The following GANAB variants were observed in gnomAD, a reference collection of about 807,000 sequenced individuals.
The protein encoded by GANAB is glucosidase II alpha subunit.
Under a neutral mutation model 129.9 loss-of-function variants are expected in GANAB, and 35 were observed. That is an observed-to-expected ratio of 0.27 (90% CI 0.21 to 0.36). The LOEUF is 0.36. Among genes scored for constraint, GANAB ranks in the 10% least tolerant of loss-of-function variants. The pLI is 1.00. For synonymous variants in GANAB, 482 were observed against 451.8 expected (o/e 1.07, Z -0.85); for missense variants, 939 against 1,221.0 (o/e 0.77, Z 3.44).
intron 11 of GANAB, 33 bp downstream of exon 11, chr11:62,630,568 C>G (rs1943623348): frequency 6.2e-7 from 1 of 1,612,066 alleles, no homozygotes. Flanking sequence ...CAGCCCTACC[C>G]TGAGAAGACC....
intron 17 of GANAB, among the ~76,000 whole-genome samples, chr11:62,627,719 A>G (rs1374019219): frequency 6.6e-6 from 1 of 151,968 alleles, no homozygotes; most frequent in East Asian, 1.9e-4. Context: ...GGGGGACGAG[A>G]GTGAGACTTT....
rs1319781688 is a variant in GANAB, at chr11:62,625,393, G to A, written c.*422C>T. The A allele has an allele frequency of 4.7e-6, 2 of 424,386 alleles. No individual in the cohort carries two copies. The highest frequency in any genetic ancestry group is 5.4e-5 in the Admixed American group (2 of 36,976). The allele number at this position is 424,386 out of a possible 1,614,324, so 26.3% of individuals were successfully genotyped here. On this transcript the variant is annotated 3_prime_UTR_variant, in exon 24 of 24. Transcript: ENST00000356638. ...GGAGAGCAATCTGGTGGGAGGGAAG[G>A]GGAAAAGGAGCCCTAACTCATTGCC... is the stretch of plus-strand genomic sequence containing the variant.
At chr11:62,632,978 T>C (rs777751827) in intron 8 of GANAB, 27 bp downstream of exon 8, 78 of 1,382,278 alleles carry the variant, frequency 5.6e-5, no homozygotes, top group Non-Finnish European at 7.6e-5. Flanking sequence ...CCCACCTCCA[T>C]CTTCCTGATG....
intron 17 of GANAB, among the ~76,000 whole-genome samples, chr11:62,628,312 G>C (rs528810576): frequency 6.1e-5 from 9 of 146,800 alleles, no homozygotes; most frequent in Non-Finnish European, 8.9e-5. Context: ...TACCTCCTGG[G>C]TTCAAGTGAT....
chr11:62,639,667 T>C lies in GANAB; in HGVS notation c.103A>G (p.Arg35Gly). 3.7e-6 allele frequency: 6 copies of C among 1,613,902 alleles called. No homozygotes were observed. Among genetic ancestry groups the C allele is most frequent in the Non-Finnish European group, 4.2e-6 (5 of 1,179,842 alleles). Residue 35 changes from arginine to glycine, a missense_variant, in exon 2 of 24, where the codon AGA becomes GGA. Physicochemically the swap from Arg to Gly is moderately radical, Grantham distance 125 (BLOSUM62 -2). Transcript: ENST00000356638. ...TCTTCACAGGTCTTAAAGTTGCTTC[T>C]ATCCACAGCAAGGGTAATCCCCAGG... is the stretch of plus-strand genomic sequence containing the variant. ...VCLGITLAVD[R>G]SNFKTCEESS...
intron 1 of GANAB, 141 bp from the exon 2 acceptor site, chr11:62,639,872 A>T (rs1324344617): frequency 1.3e-5 from 8 of 637,100 alleles, no homozygotes; most frequent in Non-Finnish European, 2.0e-5. Flanking sequence ...ATCAAATACA[A>T]AACAAGGCAG....
At chr11:62,630,131 C>A in intron 13 of GANAB, 66 bp downstream of exon 13, 1 of 1,400,256 alleles carries the variant, frequency 7.1e-7, no homozygotes, top group Non-Finnish European at 1.0e-6. Context: ...GGTTGGCAAG[C>A]CGAGAGAGAT....
intron 1 of GANAB, among the ~76,000 whole-genome samples, chr11:62,642,021 G>C (rs536211520): frequency 2.3e-4 from 35 of 151,794 alleles, no homozygotes; most frequent in Admixed American, 7.9e-4. Flanking sequence ...AGACCAGCCT[G>C]GCCAATATGG....
rs1943294042 is a variant in GANAB, at chr11:62,624,924, GA to G, written c.*890del. ...AAAAAAATACCCACAAATATTCCCC[GA>G]CTCCCCATTAGTCCTCCCCCAACCC... On this transcript the variant is annotated 3_prime_UTR_variant, in exon 24 of 24. Coordinates refer to ENST00000356638, the MANE Select transcript of GANAB (RefSeq NM_198334.3). The G allele has an allele frequency of 4.3e-6, 1 of 233,448 alleles. No homozygotes were observed. The highest frequency in any genetic ancestry group is 8.5e-6 in the Non-Finnish European group (1 of 117,604). 14.5% of individuals were successfully genotyped at this position (233,448 alleles called of 1,614,324 possible).
intron 1 of GANAB, among the ~76,000 whole-genome samples, chr11:62,644,470 G>C (rs75935239): frequency 6.6e-6 from 1 of 151,450 alleles, no homozygotes; most frequent in Non-Finnish European, 1.5e-5. Flanking sequence ...AAAAAAAAAA[G>C]AGTAGCAAGG....
intron 3 of GANAB, 37 bp from the exon 4 acceptor site, chr11:62,639,147 T>C (rs1822001262): frequency 3.1e-6 from 5 of 1,610,526 alleles, no homozygotes; most frequent in Non-Finnish European, 4.2e-6. Flanking sequence ...AGAAAGGAAA[T>C]GGGATACACC....
At chr11:62,629,466 T>C (rs939087142) in intron 15 of GANAB, 122 bp downstream of exon 15, 12 of 813,814 alleles carry the variant, frequency 1.5e-5, no homozygotes, top group South Asian at 3.2e-5. Flanking sequence ...TCAAAGCGCA[T>C]AGCTGAGAGG....
intron 1 of GANAB, among the ~76,000 whole-genome samples, chr11:62,645,851 C>A (rs1340354671): frequency 6.6e-6 from 1 of 152,210 alleles, no homozygotes; most frequent in Non-Finnish European, 1.5e-5. Context: ...GCCTACCCCA[C>A]CCCAGTATAT....
At position 62,625,278 on chromosome 11, in the gene GANAB, C is replaced by T. The variant is rs1174322379; in HGVS notation, c.*537G>A. 2.2e-6 allele frequency: 1 copy of T among 455,974 alleles called. No homozygotes were observed. Among genetic ancestry groups the T allele is most frequent in the African/African-American group, 2.0e-5 (1 of 49,968 alleles). The allele number at this position is 455,974 out of a possible 1,614,324, so 28.2% of individuals were successfully genotyped here. Reference sequence around the variant, plus strand: ...TCTTTAGCAACCTCACTCCTTTGATCCATTCATCCTGTCCGGGGTAAGGGG... The same window carrying T: ...TCTTTAGCAACCTCACTCCTTTGATTCATTCATCCTGTCCGGGGTAAGGGG... On this transcript the variant is annotated 3_prime_UTR_variant, in exon 24 of 24. Transcript: ENST00000356638.
At position 62,646,585 on chromosome 11, in the gene GANAB, C is replaced by A. The variant is rs768662005; in HGVS notation, c.15G>T (p.Ala5=). 4 of 1,613,780 alleles carry A rather than the reference C, an allele frequency of 2.5e-6. No homozygotes were observed. In the African/African-American group the frequency reaches 4.0e-5, roughly 16 times the overall value. MAAV[A]AVAARRRRSW... ...ACCGCCTCCTACGCGCCGCCACTGCCGCTACCGCCGCCATCTTGTGCAGAG... is the reference window on the plus strand; with the variant it reads ...ACCGCCTCCTACGCGCCGCCACTGCAGCTACCGCCGCCATCTTGTGCAGAG... Residue 5 remains alanine (A), a synonymous_variant, in exon 1 of 24, where the codon GCG becomes GCT. Transcript: ENST00000356638.
intron 8 of GANAB, 84 bp downstream of exon 8, chr11:62,632,921 G>T: frequency 1.0e-6 from 1 of 1,001,166 alleles, no homozygotes; most frequent in Non-Finnish European, 1.6e-6. Flanking sequence ...CTTGCCTAGA[G>T]TATCCAATAT....
intron 5 of GANAB, 146 bp from the exon 6 acceptor site, chr11:62,633,660 G>A (rs558219481): frequency 7.3e-6 from 5 of 688,454 alleles, no homozygotes; most frequent in African/African-American, 7.1e-5. Context: ...CTTGGAGAGG[G>A]AACCCACAAT....
intron 8 of GANAB, 59 bp from the exon 9 acceptor site, chr11:62,632,804 A>C (rs1943750810): frequency 7.7e-7 from 1 of 1,300,658 alleles, no homozygotes; most frequent in African/African-American, 1.5e-5. Context: ...TTATATGCTA[A>C]CACCACTCCA....
intron 1 of GANAB, among the ~76,000 whole-genome samples, chr11:62,642,061 A>G (rs953342896): frequency 4.0e-5 from 6 of 151,882 alleles, no homozygotes; most frequent in Non-Finnish European, 8.8e-5. Flanking sequence ...AAAATACAAA[A>G]ATTAGCCAGG....
Sources: gnomAD v4.1 joint callset for allele counts (sites outside exome capture counted in the v4.1 genomes callset) on GRCh38, gnomAD v4.1.1 for gene constraint, MANE v1.5 for transcripts, NCBI Gene and HGNC (gene_info 2026-07-23, HGNC 2026-07-21) for gene names.